IGSF9: variants seen among roughly 807,000 people sequenced by gnomAD.
IGSF9 encodes the protein immunoglobulin superfamily member 9, also known as protein turtle homolog A.
IGSF9 carries 87 observed loss-of-function variants against 121.7 expected under a neutral mutation model. The ratio of observed to expected loss-of-function variants is 0.71; its 90% CI spans 0.60 to 0.85. IGSF9 has a LOEUF of 0.85. Ranked by LOEUF, IGSF9 falls within the 40% of genes least tolerant of loss-of-function variation. The pLI is 0.00. For missense variants in IGSF9, 1,462 were observed against 1,565.3 expected, an observed-to-expected ratio of 0.93 and a Z score of 1.11; for synonymous variants, 640 against 648.4, an observed-to-expected ratio of 0.99 and a Z score of 0.20.
intron 8 of IGSF9, 44 bp from the exon 9 acceptor site, chr1:159,934,376 G>C: frequency 6.4e-7 from 1 of 1,568,718 alleles, no homozygotes; most frequent in Non-Finnish European, 8.7e-7. Flanking sequence ...GGCTTGGCCT[G>C]GCCCAGGGGA....
Position 159,929,138 on chromosome 1 carries a change from A to G in IGSF9, c.2370-120T>C, listed in dbSNP as rs1650876711. 9 of 1,382,150 alleles carry G rather than the reference A, an allele frequency of 6.5e-6. No homozygotes were observed. The South Asian group carries it at 9.6e-5, about 15-fold the overall frequency. The allele number at this position is 1,382,150 out of a possible 1,614,324, so 85.6% of individuals were successfully genotyped here. A position where few individuals can be genotyped will look rare whatever the true frequency, so the allele number is the denominator to read the frequency against. On this transcript the variant is annotated intron_variant, in intron 18 of 20. Transcript: ENST00000368094. ...CAGAGCTAGGAAGAACAAGCGAGGA[A>G]AGGACCAACAAGGTGGAGGGGTGGA... is the stretch of plus-strand genomic sequence containing the variant.
At chr1:159,940,142 A>C (rs60649381) in intron 3 of IGSF9, among the ~76,000 whole-genome samples, 19 of 152,330 alleles carry the variant, frequency 1.2e-4, no homozygotes, top group Middle Eastern at 6.8e-3. Context: ...CCAAAATCAC[A>C]TGGCTAGTAA....
chr1:159,935,778 G>A (rs1327001580), intron 6 of IGSF9, among the ~76,000 whole-genome samples: 1 of 152,256 alleles, frequency 6.6e-6, no homozygotes, highest in African/African-American at 2.4e-5. Context: ...CAGAGAGATT[G>A]TGAGGTGATT....
chr1:159,927,889 TGTAA>T lies in IGSF9; in HGVS notation c.3231-6_3231-3del. ...TTCTCGTCCACAGATGTGTTCCTCC[TGTAA>T]AAAAAAAAAAAAAGACAAACATATG... On this transcript the variant is annotated splice_region_variant and splice_polypyrimidine_tract_variant and intron_variant, in intron 19 of 20. Coordinates refer to ENST00000368094, the MANE Select transcript of IGSF9 (RefSeq NM_001135050.2). The T allele has an allele frequency of 6.9e-7, 1 of 1,452,220 alleles. No individual in the cohort carries two copies. The highest frequency in any genetic ancestry group is 1.2e-5 in the South Asian group (1 of 83,718). 90.0% of individuals were successfully genotyped at this position (1,452,220 alleles called of 1,614,324 possible). A position where few individuals can be genotyped will look rare whatever the true frequency, so the allele number is the denominator to read the frequency against.
intron 4 of IGSF9, 144 bp from the exon 5 acceptor site, chr1:159,937,052 CCT>C: frequency 1.3e-6 from 1 of 753,298 alleles, no homozygotes; most frequent in South Asian, 1.8e-5. Flanking sequence ...CCAGGGCCAC[CCT>C]GTCTACTGCA....
At position 159,931,133 on chromosome 1, in the gene IGSF9, C is replaced by T. The variant is rs1449384457; in HGVS notation, c.1637+5G>A. 1.2e-6 allele frequency: 2 copies of T among 1,613,962 alleles called. No individual in the cohort carries two copies. The highest frequency in any genetic ancestry group is 2.7e-5 in the African/African-American group (2 of 74,916). On this transcript the variant is annotated splice_donor_5th_base_variant and intron_variant, in intron 13 of 20. Coordinates refer to ENST00000368094, the MANE Select transcript of IGSF9 (RefSeq NM_001135050.2). The surrounding 1 kb of genome is among the most constrained non-coding windows in gnomAD (Gnocchi z 4.8). ...ACAGAGAAATGGCAGGAGCAGGTCA[C>T]TCACAGTGGGGTGTACCAGACACTG...
intron 5 of IGSF9, 113 bp downstream of exon 5, chr1:159,936,641 C>G: frequency 6.5e-7 from 1 of 1,528,834 alleles, no homozygotes; most frequent in Non-Finnish European, 8.9e-7. Flanking sequence ...AGCCCTTCTT[C>G]TGGCCCATCC....
intron 19 of IGSF9, 33 bp from the exon 20 acceptor site, chr1:159,927,920 T>A (rs748378188): frequency 8.8e-6 from 14 of 1,599,602 alleles, no homozygotes; most frequent in Non-Finnish European, 1.2e-5. Context: ...AAACATATGG[T>A]GTGGGTGGAG....
At position 159,937,563 on chromosome 1, in the gene IGSF9, T is replaced by TG. The variant is rs1208948304; in HGVS notation, c.400+122dup. 4 of 1,052,358 alleles carry TG rather than the reference T, an allele frequency of 3.8e-6. No homozygotes were observed. The East Asian group carries it at 9.8e-5, about 26-fold the overall frequency. 65.2% of individuals were successfully genotyped at this position (1,052,358 alleles called of 1,614,324 possible). ...AGCAAACAAGGGCTCTCAGGAAGGG[T>TG]GGGGCATCAGAGCTGTTTGTGGGAT... On this transcript the variant is annotated intron_variant, in intron 4 of 20. Transcript: ENST00000368094.
Position 159,932,004 on chromosome 1 carries a change from T to C in IGSF9, c.1246-76A>G. On this transcript the variant is annotated intron_variant, in intron 10 of 20. Coordinates refer to ENST00000368094, the MANE Select transcript of IGSF9 (RefSeq NM_001135050.2). This position sits in a 1 kb window ranked among gnomAD's most constrained non-coding sequence, Gnocchi z 4.1. ...GGCTACTCCCTCTCTCTGTGCTCCC[T>C]GTCATGCCATGTCTCACCTCACTCT... The C allele has an allele frequency of 2.3e-6, 2 of 853,678 alleles. No individual in the cohort carries two copies. The highest frequency in any genetic ancestry group is 1.6e-5 in the South Asian group (1 of 63,218). The allele number at this position is 853,678 out of a possible 1,614,324, so 52.9% of individuals were successfully genotyped here. A position where few individuals can be genotyped will look rare whatever the true frequency, so the allele number is the denominator to read the frequency against.
Position 159,931,819 on chromosome 1 carries a change from C to A in IGSF9, c.1355G>T (p.Trp452Leu). The change falls in exon 11 of 21, where the codon TGG becomes TTG. Residue 452 changes from tryptophan (W) to leucine (L), a missense_variant. Around this residue, in one of 3 missense-constraint regions of IGSF9, gnomAD observed 558 missense variants for 599.4 expected, o/e 0.93. Transcript: ENST00000368094. The surrounding 1 kb of genome is among the most constrained non-coding windows in gnomAD (Gnocchi z 4.8). ...CGGGCTCAGGAGCCTTACCTTGGTCCAAGAGACAACAGGAGGAGGGTCCCC... is the reference window on the plus strand; with the variant it reads ...CGGGCTCAGGAGCCTTACCTTGGTCAAAGAGACAACAGGAGGAGGGTCCCC... The part of the protein sequence containing the change: ...AQGDPPPVVS[W>L]TKVGRGLQGQ... The A allele has an allele frequency of 1.3e-6, 2 of 1,573,780 alleles. No homozygotes were observed. The highest frequency in any genetic ancestry group is 8.6e-7 in the Non-Finnish European group (1 of 1,161,890).
In IGSF9 at chr1:159,928,612, A is replaced by G. The variant is rs1403606109; in HGVS notation, c.2776T>C (p.Tyr926His). ...PLPGPGPLLQ[Y>H]LSLPFFREMN... ...TCTCGGAAGAAGGGCAGGCTCAGGTACTGGAGCAGGGGTCCAGGACCTGGC... is the reference window on the plus strand; with the variant it reads ...TCTCGGAAGAAGGGCAGGCTCAGGTGCTGGAGCAGGGGTCCAGGACCTGGC... Residue 926 changes from tyrosine (Y) to histidine (H), a missense_variant, in exon 19 of 21, where the codon TAC (tyrosine) becomes CAC (histidine). Tyr to His is a moderately conservative substitution (Grantham distance 83). This residue lies in a region of IGSF9 where 808 missense variants were observed against 815.2 expected (regional missense o/e 0.99). Transcript: ENST00000368094. The G allele has an allele frequency of 3.3e-6, 5 of 1,496,534 alleles. No homozygotes were observed. In the African/African-American group the frequency reaches 7.0e-5, roughly 21 times the overall value. The allele number at this position is 1,496,534 out of a possible 1,614,324, so 92.7% of individuals were successfully genotyped here.
intron 3 of IGSF9, among the ~76,000 whole-genome samples, chr1:159,941,369 G>T (rs1424220845): frequency 6.6e-6 from 1 of 152,220 alleles, no homozygotes; most frequent in Non-Finnish European, 1.5e-5. Context: ...GCAGTAAAAG[G>T]GTTAATGGGC....
chr1:159,943,156 ATGAT>A lies in IGSF9; in HGVS notation c.59-9_59-6del. 3 of 1,581,732 alleles carry A rather than the reference ATGAT, an allele frequency of 1.9e-6. No homozygotes were observed. The highest frequency in any genetic ancestry group is 2.6e-6 in the Non-Finnish European group (3 of 1,167,992). ...CCACCTCAGGCTTCCCTCGACCTGC[ATGAT>A]GGGTGGCATGAGGGCACAACGGGGG... On this transcript the variant is annotated splice_polypyrimidine_tract_variant and splice_region_variant and intron_variant, in intron 2 of 20. Transcript: ENST00000368094.
chr1:159,933,865 T>C (rs1651087692), intron 9 of IGSF9: 7 of 371,728 alleles, frequency 1.9e-5, no homozygotes, highest in Non-Finnish European at 3.5e-5. Context: ...AAGAAGTGTG[T>C]GTTCCCCCGG....
At position 159,930,580 on chromosome 1, in the gene IGSF9, C is replaced by T. The variant is rs1416778606; in HGVS notation, c.1813+112G>A. The T allele has an allele frequency of 2.6e-6, 4 of 1,543,976 alleles. No homozygotes were observed. In the Admixed American group the frequency reaches 7.8e-5, roughly 30 times the overall value. On this transcript the variant is annotated intron_variant, in intron 14 of 20. Transcript: ENST00000368094. The stretch of plus-strand genomic sequence containing the variant: ...ATCTTCCACACACCCCTCTGGACCC[C>T]AAGCTGGCCAGCACCTCTGCCCCTT...
chr1:159,930,367 C>T lies in IGSF9; in HGVS notation c.1886G>A (p.Gly629Asp), dbSNP rs1461994756. The T allele has an allele frequency of 6.2e-7, 1 of 1,600,138 alleles. No individual in the cohort carries two copies. Among genetic ancestry groups the T allele is most frequent in the East Asian group, 2.2e-5 (1 of 44,598 alleles). Residue 629 changes from glycine (G) to aspartate (D), a missense_variant, in exon 15 of 21, where the codon GGT becomes GAT. This residue lies in a region of IGSF9 where 808 missense variants were observed against 815.2 expected (regional missense o/e 0.99). Transcript: ENST00000368094. ...CCGGGGTGTCCTCACTGCCACCAGA[C>T]CCCGCGGAGGGGACAGGGGAGGCGG... ...EIPPPLSPPR[G>D]LVAVRTPRGV...
chr1:159,929,872 C>A lies in IGSF9; in HGVS notation c.2149+19G>T. ...ACTCGGAGCAGCCCTGGGGCTCCTC[C>A]CTCACGCCAGGTGCTCACCGGAAGT... is the stretch of plus-strand genomic sequence containing the variant. On this transcript the variant is annotated intron_variant, in intron 16 of 20. Coordinates refer to ENST00000368094, the MANE Select transcript of IGSF9 (RefSeq NM_001135050.2). The A allele has an allele frequency of 6.3e-7, 1 of 1,578,900 alleles. No individual in the cohort carries two copies. Among genetic ancestry groups the A allele is most frequent in the East Asian group, 2.3e-5 (1 of 42,628 alleles).
chr1:159,938,080 G>A (rs940709820), intron 3 of IGSF9, among the ~76,000 whole-genome samples: 1 of 152,116 alleles, frequency 6.6e-6, no homozygotes, highest in African/African-American at 2.4e-5. Flanking sequence ...AGAAACCTAG[G>A]GGGACAGCAG....
Sources: allele counts gnomAD v4.1 joint callset (sites outside exome capture counted in the v4.1 genomes callset), GRCh38; gene constraint gnomAD v4.1.1; regional missense constraint gnomAD v4.1.1; non-coding constraint Gnocchi (gnomAD v3.1); transcripts MANE v1.5; gene names NCBI Gene and HGNC (gene_info 2026-07-23, HGNC 2026-07-21).